Variants in SCLT1 observed in about 807,000 individuals in gnomAD.
SCLT1 encodes the protein sodium channel and clathrin linker 1, also known as sodium channel-associated protein 1.
In SCLT1, 78 loss-of-function variants were observed where a neutral mutation model predicts 112.8. The observed-to-expected ratio is 0.69, with a 90% confidence interval of 0.58 to 0.83. The LOEUF is 0.83. Among genes scored for constraint, SCLT1 ranks in the 40% least tolerant of loss-of-function variants. The probability of loss-of-function intolerance (pLI) is 0.00; values close to 1 mark genes in which losing one functional copy is unlikely to be tolerated. For synonymous variants in SCLT1, 257 were observed against 254.7 expected (o/e 1.01, Z -0.09); for missense variants, 747 against 770.4 (o/e 0.97, Z 0.36).
intron 10 of SCLT1, among the ~76,000 whole-genome samples, chr4:128,969,911 T>A (rs1390311491): frequency 1.3e-5 from 2 of 152,160 alleles, no homozygotes; most frequent in African/African-American, 4.8e-5. Flanking sequence ...AGCTAATAAG[T>A]CCCAGAGTGA....
chr4:128,954,961 A>T (rs775038403), intron 13 of SCLT1, among the ~76,000 whole-genome samples: 1 of 152,230 alleles, frequency 6.6e-6, no homozygotes, highest in Non-Finnish European at 1.5e-5. Flanking sequence ...GAAATGATAC[A>T]GCTAACTTGA....
intron 5 of SCLT1, among the ~76,000 whole-genome samples, chr4:129,021,504 G>A (rs1043187623): frequency 6.6e-6 from 1 of 152,186 alleles, no homozygotes; most frequent in Non-Finnish European, 1.5e-5. Flanking sequence ...CTTGGTTGCG[G>A]GAGGGGCATC....
In SCLT1 at chr4:129,043,431, G is replaced by T; in HGVS notation, c.198C>A (p.His66Gln). ...TCAGCTGCCCATTTAGTTCTCCTAG[G>T]TGTTTATCATACTCAGTAACAAGAG... ...LAPLVTEYDK[H>Q]LGELNGQLKY... Residue 66 changes from histidine to glutamine, a missense_variant, in exon 4 of 21, where the codon CAC (histidine) becomes CAA (glutamine). Transcript: ENST00000281142. The T allele has an allele frequency of 6.5e-7, 1 of 1,548,980 alleles. No individual in the cohort carries two copies. The highest frequency in any genetic ancestry group is 8.9e-7 in the Non-Finnish European group (1 of 1,129,076).
intron 1 of SCLT1, among the ~76,000 whole-genome samples, chr4:129,087,583 CAAAAAAT>C (rs1680090214): frequency 1.3e-5 from 2 of 150,198 alleles, no homozygotes; most frequent in South Asian, 4.2e-4. Flanking sequence ...CCGGCTTCTA[CAAAAAAT>C]AAAAAATAAA....
chr4:128,963,332 G>T (rs941604634), intron 11 of SCLT1, among the ~76,000 whole-genome samples: 3 of 152,030 alleles, frequency 2.0e-5, no homozygotes, highest in African/African-American at 7.3e-5. Context: ...GTTTAAATAG[G>T]TATAAATGTT....
At chr4:128,877,156 G>GTAGA (rs1195817703) in intron 3 of SCLT1, among the ~76,000 whole-genome samples, 3 of 152,164 alleles carry the variant, frequency 2.0e-5, no homozygotes, top group African/African-American at 7.2e-5. Flanking sequence ...CCTGACTTCT[G>GTAGA]TAGATAATTA....
rs183316522 is a variant in SCLT1 at position 128,982,037 on chromosome 4, G to A, written c.686+10130C>T. Among the ~76,000 whole-genome samples the A allele has an allele frequency of 3.0e-4, 45 of 152,264 alleles. No homozygotes were observed. In the East Asian group the frequency reaches 8.5e-3, roughly 29 times the overall value. ...CAGATGAGAAAGTGATGAAGTGAAA[G>A]ATCAGAGAGACATTTATAAGGTAGA... On this transcript the variant is annotated intron_variant, in intron 9 of 20. Transcript: ENST00000281142.
intron 14 of SCLT1, among the ~76,000 whole-genome samples, chr4:128,949,052 T>C (rs181966469): frequency 3.6e-3 from 553 of 152,256 alleles, no homozygotes; most frequent in Non-Finnish European, 6.0e-3. Context: ...ACATAAAGTA[T>C]TTCTGCTCAA....
chr4:128,886,020 T>C (rs879291354), intron 20 of SCLT1, among the ~76,000 whole-genome samples: 11 of 152,212 alleles, frequency 7.2e-5, no homozygotes, highest in Admixed American at 3.3e-4. Context: ...TTGTCATATA[T>C]GGTACAAATA....
At chr4:129,059,661 T>G (rs1749776106) in intron 2 of SCLT1, among the ~76,000 whole-genome samples, 1 of 152,216 alleles carries the variant, frequency 6.6e-6, no homozygotes, top group South Asian at 2.1e-4. Context: ...TTTCTTCTTT[T>G]GGTACTTTGA....
chr4:128,962,877 C>T (rs1739863297), intron 11 of SCLT1, among the ~76,000 whole-genome samples: 1 of 152,150 alleles, frequency 6.6e-6, no homozygotes, highest in South Asian at 2.1e-4. Context: ...TATCTAAATT[C>T]TGTTTTTCAA....
intron 17 of SCLT1, among the ~76,000 whole-genome samples, chr4:128,940,949 A>G (rs1579443461): frequency 6.6e-6 from 1 of 152,142 alleles, no homozygotes; most frequent in Admixed American, 6.5e-5. Flanking sequence ...CTGCACGTTC[A>G]CTTAGAGATA....
intron 18 of SCLT1, among the ~76,000 whole-genome samples, chr4:128,918,519 C>T (rs1433781611): frequency 6.6e-6 from 1 of 152,114 alleles, no homozygotes; most frequent in Admixed American, 6.6e-5. Context: ...AATAAAGCTT[C>T]TGAGAAATAT....
At chr4:128,904,249 A>T (rs1363434656) in intron 18 of SCLT1, among the ~76,000 whole-genome samples, 1 of 152,286 alleles carries the variant, frequency 6.6e-6, no homozygotes, top group East Asian at 1.9e-4. Context: ...GGAATCCCTT[A>T]TAGTATCACT....
chr4:128,964,834 C>A (rs1740037498), intron 11 of SCLT1, among the ~76,000 whole-genome samples: 1 of 152,100 alleles, frequency 6.6e-6, no homozygotes, highest in African/African-American at 2.4e-5. Context: ...CCAAACTCTG[C>A]AGGATGACCT....
chr4:129,078,555 A>G (rs1304540897), intron 2 of SCLT1, among the ~76,000 whole-genome samples: 1 of 151,978 alleles, frequency 6.6e-6, no homozygotes, highest in Non-Finnish European at 1.5e-5. Flanking sequence ...ATATTATAAT[A>G]AAAATAATAT....
intron 11 of SCLT1, among the ~76,000 whole-genome samples, chr4:128,963,948 A>G (rs1334965091): frequency 6.6e-6 from 1 of 152,212 alleles, no homozygotes. Context: ...AAGCACTTGG[A>G]AAATGTCATC....
chr4:128,914,747 T>C (rs952213131), intron 18 of SCLT1, among the ~76,000 whole-genome samples: 7 of 152,164 alleles, frequency 4.6e-5, no homozygotes, highest in Non-Finnish European at 1.0e-4. Context: ...GGACCACATT[T>C]AGGTTGTTTT....
chr4:129,091,098 C>A (rs1362629044), intron 1 of SCLT1, among the ~76,000 whole-genome samples: 1 of 152,090 alleles, frequency 6.6e-6, no homozygotes, highest in Non-Finnish European at 1.5e-5. Flanking sequence ...GGCAAGTGAT[C>A]TATCTTTATC....
Sources: allele counts gnomAD v4.1 joint callset (sites outside exome capture counted in the v4.1 genomes callset), GRCh38; gene constraint gnomAD v4.1.1; transcripts MANE v1.5; gene names NCBI Gene and HGNC (gene_info 2026-07-23, HGNC 2026-07-21).